CXCR2: variants seen among roughly 807,000 people sequenced by gnomAD.
CXCR2 encodes the protein C-X-C motif chemokine receptor 2.
In CXCR2, 2 loss-of-function variants were observed where a neutral mutation model predicts 3.7. The ratio of observed to expected loss-of-function variants is 0.55; its 90% CI spans 0.22 to 1.72. CXCR2 has a LOEUF of 1.72. Ranked by LOEUF, CXCR2 falls within the 40% of genes most tolerant of loss-of-function variation. The pLI is 0.19. For missense variants in CXCR2, 351 were observed against 450.1 expected (o/e 0.78, Z 1.99); for synonymous variants, 203 against 193.3 (o/e 1.05, Z -0.41).
intron 1 of CXCR2, among the ~76,000 whole-genome samples, chr2:218,129,107 G>A (rs562619907): frequency 6.6e-6 from 1 of 152,276 alleles, no homozygotes; most frequent in South Asian, 2.1e-4. Context: ...GGAAAGACTA[G>A]GTAGAAAACC....
intron 2 of CXCR2, 96 bp downstream of exon 2, chr2:218,129,461 C>T (rs1227652555): frequency 6.6e-6 from 1 of 152,310 alleles, no homozygotes; most frequent in East Asian, 1.9e-4. Context: ...AGCATCTCTC[C>T]CCACCCTTGG....
At chr2:218,130,573 C>G (rs954175224) in intron 2 of CXCR2, among the ~76,000 whole-genome samples, 44 of 152,192 alleles carry the variant, frequency 2.9e-4, no homozygotes, top group African/African-American at 1.1e-3. Flanking sequence ...CTTCTCCACC[C>G]TGTGATCGCA....
At chr2:218,126,422 C>A (rs1360233411) in intron 1 of CXCR2, 69 bp downstream of exon 1, 1 of 152,338 alleles carries the variant, frequency 6.6e-6, no homozygotes, top group Admixed American at 6.5e-5. Context: ...AAACTTCAGC[C>A]TCCTCTGAGG....
intron 2 of CXCR2, among the ~76,000 whole-genome samples, chr2:218,131,898 G>A (rs1427620630): frequency 6.6e-6 from 1 of 151,894 alleles, no homozygotes; most frequent in Non-Finnish European, 1.5e-5. Flanking sequence ...TTGTCAGGAA[G>A]GTGATGGCTA....
intron 2 of CXCR2, chr2:218,130,988 A>G (rs187252810): frequency 6.6e-6 from 1 of 152,378 alleles, no homozygotes; most frequent in East Asian, 1.9e-4. Context: ...ACAGCTGAGC[A>G]CTGGATTATC....
At chr2:218,132,782 A>G (rs1690679414) in intron 2 of CXCR2, among the ~76,000 whole-genome samples, 1 of 152,128 alleles carries the variant, frequency 6.6e-6, no homozygotes, top group African/African-American at 2.4e-5. Context: ...CTGTTCCTCA[A>G]TTTGTCTGTC....
At chr2:218,128,365 G>T (rs975050931) in intron 1 of CXCR2, among the ~76,000 whole-genome samples, 1 of 152,194 alleles carries the variant, frequency 6.6e-6, no homozygotes, top group African/African-American at 2.4e-5. Context: ...GGCAATTTAA[G>T]TGCGTCTGCC....
Position 218,135,243 on chromosome 2 carries a change from A to G in CXCR2, c.442A>G (p.Ile148Val). The G allele has an allele frequency of 1.2e-6, 2 of 1,614,174 alleles. No homozygotes were observed. The highest frequency in any genetic ancestry group is 1.7e-6 in the Non-Finnish European group (2 of 1,180,030). The change falls in exon 3 of 3, where the codon ATT (isoleucine) becomes GTT (valine). Residue 148 changes from isoleucine (I) to valine (V), a missense_variant. Physicochemically the swap from Ile to Val is conservative, Grantham distance 29. Transcript: ENST00000318507. This position sits in a 1 kb window ranked among gnomAD's most constrained non-coding sequence, Gnocchi z 4.0. ...ACISVDRYLAIVHATRTLTQK... is the reference protein window; with the variant it reads ...ACISVDRYLAVVHATRTLTQK... ...CATCAGTGTGGACCGTTACCTGGCC[A>G]TTGTCCATGCCACACGCACACTGAC...
At chr2:218,130,855 G>T (rs1690626717) in intron 2 of CXCR2, 1 of 152,464 alleles carries the variant, frequency 6.6e-6, no homozygotes, top group African/African-American at 2.4e-5. Flanking sequence ...GGCCTGACCT[G>T]GTTCTCCTTG....
At chr2:218,132,882 G>C (rs943076969) in intron 2 of CXCR2, among the ~76,000 whole-genome samples, 5 of 152,086 alleles carry the variant, frequency 3.3e-5, no homozygotes, top group African/African-American at 1.2e-4. Flanking sequence ...AATTCTCTTG[G>C]GTGTATACCT....
In CXCR2 at chr2:218,135,371, C is replaced by A; in HGVS notation, c.570C>A (p.Ser190=). 1 of 1,614,210 alleles carries A rather than the reference C, an allele frequency of 6.2e-7. No individual in the cohort carries two copies. Among genetic ancestry groups the A allele is most frequent in the Non-Finnish European group, 8.5e-7 (1 of 1,180,030 alleles). The part of the protein sequence containing the change: ...VLLFRRTVYS[S]NVSPACYEDM... ...TTTTCCGAAGGACCGTCTACTCATC[C>A]AATGTTAGCCCAGCCTGCTATGAGG... Residue 190 remains serine (S), a synonymous_variant, in exon 3 of 3, where the codon TCC becomes TCA. Transcript: ENST00000318507. This position sits in a 1 kb window ranked among gnomAD's most constrained non-coding sequence, Gnocchi z 4.0.
chr2:218,133,123 C>T (rs1690690769), intron 2 of CXCR2, among the ~76,000 whole-genome samples: 1 of 152,002 alleles, frequency 6.6e-6, no homozygotes, highest in African/African-American at 2.4e-5. Flanking sequence ...GTTTTTCTCT[C>T]ACACTGGGTT....
chr2:218,132,043 G>A (rs1291391205), intron 2 of CXCR2, among the ~76,000 whole-genome samples: 1 of 151,906 alleles, frequency 6.6e-6, no homozygotes, highest in Non-Finnish European at 1.5e-5. Flanking sequence ...TCCTCCCTGG[G>A]ACTTTTGTTG....
chr2:218,135,089 C>T lies in CXCR2; in HGVS notation c.288C>T (p.Leu96=). 1.2e-6 allele frequency: 2 copies of T among 1,614,226 alleles called. No homozygotes were observed. Among genetic ancestry groups the T allele is most frequent in the Non-Finnish European group, 8.5e-7 (1 of 1,180,044 alleles). ...TGAACCTAGCCTTGGCCGACCTACT[C>T]TTTGCCCTGACCTTGCCCATCTGGG... ...YLLNLALADL[L]FALTLPIWAA... Residue 96 remains leucine (L), a synonymous_variant, in exon 3 of 3, where the codon CTC becomes CTT. Coordinates refer to ENST00000318507, the MANE Select transcript of CXCR2 (RefSeq NM_001557.4). The surrounding 1 kb of genome is among the most constrained non-coding windows in gnomAD (Gnocchi z 4.0).
At position 218,134,774 on chromosome 2, in the gene CXCR2, T is replaced by C; in HGVS notation, c.-25-3T>C. 6.2e-7 allele frequency: 1 copy of C among 1,600,190 alleles called. No individual in the cohort carries two copies. The highest frequency in any genetic ancestry group is 8.5e-7 in the Non-Finnish European group (1 of 1,172,138). ...TGCAGTAACCTTCATCTCTCTTCTA[T>C]AGGTCAGGATTTAAGTTTACCTCAA... is the stretch of plus-strand genomic sequence containing the variant. On this transcript the variant is annotated splice_polypyrimidine_tract_variant and splice_region_variant and intron_variant, in intron 2 of 2. Coordinates refer to ENST00000318507, the MANE Select transcript of CXCR2 (RefSeq NM_001557.4).
chr2:218,127,418 C>A (rs942235649), intron 1 of CXCR2, among the ~76,000 whole-genome samples: 1 of 152,168 alleles, frequency 6.6e-6, no homozygotes, highest in Non-Finnish European at 1.5e-5. Flanking sequence ...TGAGCCACCG[C>A]ACCAGAAGCC....
intron 2 of CXCR2, among the ~76,000 whole-genome samples, chr2:218,132,325 C>T (rs1018465690): frequency 6.6e-6 from 1 of 152,218 alleles, no homozygotes; most frequent in Admixed American, 6.5e-5. Flanking sequence ...CTATTTTGGT[C>T]ATTTCACATA....
chr2:218,134,979 C>T lies in CXCR2; in HGVS notation c.178C>T (p.Leu60=). Residue 60 remains leucine, a synonymous_variant, in exon 3 of 3, where the codon CTG becomes TTG. Coordinates refer to ENST00000318507, the MANE Select transcript of CXCR2 (RefSeq NM_001557.4). ...GGTCATTATCTATGCCCTGGTATTC[C>T]TGCTGAGCCTGCTGGGAAACTCCCT... The part of the protein sequence containing the change: ...FVVIIYALVF[L]LSLLGNSLVM... The T allele has an allele frequency of 6.2e-7, 1 of 1,614,178 alleles. No individual in the cohort carries two copies. Among genetic ancestry groups the T allele is most frequent in the East Asian group, 2.2e-5 (1 of 44,896 alleles).
intron 1 of CXCR2, among the ~76,000 whole-genome samples, chr2:218,128,113 A>G (rs535946280): frequency 6.6e-6 from 1 of 152,342 alleles, no homozygotes; most frequent in East Asian, 1.9e-4. Flanking sequence ...TGGATTCTGT[A>G]TTGGCCCCAT....
Sources: allele counts gnomAD v4.1 joint callset (sites outside exome capture counted in the v4.1 genomes callset), GRCh38; gene constraint gnomAD v4.1.1; non-coding constraint Gnocchi (gnomAD v3.1); transcripts MANE v1.5; gene names NCBI Gene and HGNC (gene_info 2026-07-23, HGNC 2026-07-21).